CHD1L: variants seen among roughly 807,000 people sequenced by gnomAD.
CHD1L encodes the protein ATP-dependent chromatin remodeler CHD1L.
Under a neutral mutation model 115.9 loss-of-function variants are expected in CHD1L, and 118 were observed. The observed-to-expected ratio is 1.02, with a 90% CI of 0.88 to 1.19. The LOEUF is 1.19. Among genes scored for constraint, CHD1L ranks in the 50% most tolerant of loss-of-function variants. CHD1L has a pLI of 0.00. For synonymous variants in CHD1L, 411 were observed against 387.1 expected, an observed-to-expected ratio of 1.06 and a Z score of -0.72; for missense variants, 1,179 against 1,065.3, an observed-to-expected ratio of 1.11 and a Z score of -1.49.
the CHD1L span, chr1:147,215,352 A>G: frequency 6.3e-6 from 1 of 158,480 alleles, no homozygotes; most frequent in African/African-American, 2.4e-5. Flanking sequence ...GTAAACAAAT[A>G]TATTGGAAAG....
chr1:147,209,058 C>T, the CHD1L span: 2 of 1,610,950 alleles, frequency 1.2e-6, no homozygotes, highest in Non-Finnish European at 1.7e-6. Context: ...AAACCTGGGG[C>T]ATGGAAGAAA....
At chr1:147,285,681 T>C (rs1682818484) in intron 17 of CHD1L, among the ~76,000 whole-genome samples, 194 bp downstream of exon 17, 1 of 152,160 alleles carries the variant, frequency 6.6e-6, no homozygotes, top group South Asian at 2.1e-4. Flanking sequence ...GGAAGATGCA[T>C]TCCATTAAAA....
chr1:147,279,649 T>C (rs753770291), intron 14 of CHD1L, among the ~76,000 whole-genome samples: 64 of 152,174 alleles, frequency 4.2e-4, no homozygotes, highest in Middle Eastern at 3.2e-3. Context: ...GGTTGGAAAG[T>C]AGCTAACAGG....
the CHD1L span, among the ~76,000 whole-genome samples, chr1:147,220,631 A>G: frequency 1.9e-4 from 29 of 152,336 alleles, no homozygotes; most frequent in African/African-American, 6.7e-4. Context: ...GTTAACATCA[A>G]TAGTGATATT....
At chr1:147,214,992 AT>A in the CHD1L span, 14 of 152,174 alleles carry the variant, frequency 9.2e-5, no homozygotes, top group African/African-American at 3.4e-4. Context: ...AGAAAAAGGC[AT>A]GACTTAGCAG....
the CHD1L span, among the ~76,000 whole-genome samples, chr1:147,235,571 A>T: frequency 1.2e-4 from 18 of 152,142 alleles, no homozygotes; most frequent in Non-Finnish European, 2.2e-4. Context: ...TCAAAGTTAT[A>T]ACTGTGCCTC....
chr1:147,200,760 A>G, the CHD1L span, among the ~76,000 whole-genome samples: 1 of 152,038 alleles, frequency 6.6e-6, no homozygotes, highest in African/African-American at 2.4e-5. Context: ...TTTATCTATA[A>G]TGAAAGAAGA....
the CHD1L span, among the ~76,000 whole-genome samples, chr1:147,219,931 C>T: frequency 2.0e-5 from 3 of 151,492 alleles, no homozygotes; most frequent in Non-Finnish European, 2.9e-5. Context: ...CCCTGCCTCC[C>T]GGGTGCAAGC....
At chr1:147,237,077 C>T in the CHD1L span, among the ~76,000 whole-genome samples, 2 of 152,186 alleles carry the variant, frequency 1.3e-5, no homozygotes, top group African/African-American at 2.4e-5. Context: ...CCCATGCTGG[C>T]ACCCAAAGTC....
the CHD1L span, among the ~76,000 whole-genome samples, chr1:147,190,438 C>A: frequency 3.9e-5 from 6 of 152,286 alleles, no homozygotes; most frequent in African/African-American, 1.4e-4. Context: ...GCTTACTCTA[C>A]TTATTCTTCT....
chr1:147,267,604 T>C, intron 9 of CHD1L, 86 bp downstream of exon 9: 1 of 994,840 alleles, frequency 1.0e-6, no homozygotes, highest in Non-Finnish European at 1.5e-6. Context: ...AATAATTGCA[T>C]ATACTTACTT....
chr1:147,220,976 G>T, the CHD1L span, among the ~76,000 whole-genome samples: 1 of 150,664 alleles, frequency 6.6e-6, no homozygotes, highest in African/African-American at 2.4e-5. Flanking sequence ...GTATAATGTG[G>T]ATAGTATGTA....
the CHD1L span, chr1:147,178,476 T>C: frequency 1.2e-6 from 2 of 1,611,776 alleles, no homozygotes; most frequent in Non-Finnish European, 1.7e-6. Context: ...CTAGGACTGC[T>C]GATGGAATTG....
the CHD1L span, chr1:147,190,305 C>T: frequency 9.3e-7 from 1 of 1,080,204 alleles, no homozygotes; most frequent in African/African-American, 1.6e-5. Flanking sequence ...GAACAATAAT[C>T]CTATAAACAA....
the CHD1L span, chr1:147,204,466 T>C: frequency 7.0e-7 from 1 of 1,428,344 alleles, no homozygotes; most frequent in Non-Finnish European, 9.9e-7. Flanking sequence ...TTCATCAACA[T>C]CTCGAAGGTT....
chr1:147,285,647 GAA>G (rs1342791776), intron 17 of CHD1L, among the ~76,000 whole-genome samples, 160 bp downstream of exon 17: 5 of 152,160 alleles, frequency 3.3e-5, no homozygotes, highest in African/African-American at 1.2e-4. Flanking sequence ...CTAGGTAAGT[GAA>G]AAGTCTCAGT....
chr1:147,255,758 AT>A, intron 3 of CHD1L, 54 bp from the exon 4 acceptor site: 1 of 1,258,568 alleles, frequency 7.9e-7, no homozygotes, highest in Non-Finnish European at 1.1e-6. Context: ...AGATATGCAC[AT>A]CCTGTCACAT....
At chr1:147,209,065 G>C in the CHD1L span, 2 of 1,607,708 alleles carry the variant, frequency 1.2e-6, no homozygotes, top group African/African-American at 2.7e-5. Flanking sequence ...GGGCATGGAA[G>C]AAATTGTTTG....
At chr1:147,191,447 T>A in the CHD1L span, among the ~76,000 whole-genome samples, 1 of 152,300 alleles carries the variant, frequency 6.6e-6, no homozygotes. Flanking sequence ...ATGATGAGAA[T>A]TTTTTCATGT....
Sources: allele counts gnomAD v4.1 joint callset (sites outside exome capture counted in the v4.1 genomes callset), GRCh38; gene constraint gnomAD v4.1.1; transcripts MANE v1.5; gene names NCBI Gene and HGNC (gene_info 2026-07-23, HGNC 2026-07-21).